The following SSH1 variants were observed in gnomAD, a reference collection of about 807,000 sequenced individuals.
The protein encoded by SSH1 is protein phosphatase Slingshot homolog 1.
SSH1 carries 43 observed loss-of-function variants against 79.7 expected under a neutral mutation model. That is an observed-to-expected ratio of 0.54 (90% CI 0.42 to 0.70). SSH1 has a LOEUF of 0.70. Ranked by LOEUF, SSH1 falls within the 30% of genes least tolerant of loss-of-function variation. The probability of loss-of-function intolerance (pLI) is 0.00; values close to 1 mark genes in which losing one functional copy is unlikely to be tolerated. For synonymous variants in SSH1, 599 were observed against 538.3 expected (o/e 1.11, Z -1.56); for missense variants, 1,206 against 1,358.8 (o/e 0.89, Z 1.77).
At position 108,780,125 on chromosome 12, in the gene SSH1, G is replaced by A. The variant is rs2036132750; in HGVS notation, c.*7863C>T. 1 of 152,256 alleles carries A rather than the reference G, an allele frequency of 6.6e-6. No individual in the cohort carries two copies. The highest frequency in any genetic ancestry group is 2.1e-4 in the South Asian group (1 of 4,828). 9.4% of individuals were successfully genotyped at this position (152,256 alleles called of 1,614,324 possible). A position where few individuals can be genotyped will look rare whatever the true frequency, so the allele number is the denominator to read the frequency against. ...TGCGTGGGTGGGTGGTGTTTCCTGG[G>A]TGGAGCTCTCCTTTAGAAAGGGCTT... is the stretch of plus-strand genomic sequence containing the variant. On this transcript the variant is annotated 3_prime_UTR_variant, in exon 15 of 15. Coordinates refer to ENST00000326495, the MANE Select transcript of SSH1 (RefSeq NM_018984.4).
At chr12:108,794,629 G>A (rs1290239931) in intron 13 of SSH1, among the ~76,000 whole-genome samples, 1 of 152,096 alleles carries the variant, frequency 6.6e-6, no homozygotes, top group East Asian at 1.9e-4. Flanking sequence ...CAAATCTTGG[G>A]ACCCCAAACT....
intron 1 of SSH1, among the ~76,000 whole-genome samples, chr12:108,854,648 C>CT (rs1400528446): frequency 6.6e-6 from 1 of 152,162 alleles, no homozygotes; most frequent in Admixed American, 6.5e-5. Context: ...GATGACGTGA[C>CT]TTGGGGGTAC....
At chr12:108,795,263 T>C (rs190930006) in intron 13 of SSH1, among the ~76,000 whole-genome samples, 1 of 145,358 alleles carries the variant, frequency 6.9e-6, no homozygotes, top group Non-Finnish European at 1.5e-5. Context: ...CTTTAAAAAC[T>C]TTTTTTTTTT....
chr12:108,802,457 G>C, intron 10 of SSH1, 89 bp from the exon 11 acceptor site: 1 of 1,226,090 alleles, frequency 8.2e-7, no homozygotes, highest in African/African-American at 1.5e-5. Context: ...TAGCTCTGGC[G>C]GTGAGGTCTT....
rs1363797011 is a variant in SSH1 at position 108,779,059 on chromosome 12, C to A, written c.*8929G>T. 2 of 151,978 alleles carry A rather than the reference C, an allele frequency of 1.3e-5. No homozygotes were observed. Among genetic ancestry groups the A allele is most frequent in the African/African-American group, 2.4e-5 (1 of 41,344 alleles). The allele number at this position is 151,978 out of a possible 1,614,324, so 9.4% of individuals were successfully genotyped here. On this transcript the variant is annotated 3_prime_UTR_variant, in exon 15 of 15. Transcript: ENST00000326495. ...GCTCAAGCAATCTGCCTGCCTCGGC[C>A]TCTCAAGGTGTTGGGATAACAGGCG...
intron 5 of SSH1, among the ~76,000 whole-genome samples, chr12:108,815,199 G>A (rs770982113): frequency 6.6e-6 from 1 of 152,202 alleles, no homozygotes; most frequent in East Asian, 1.9e-4. Context: ...GTCCCAGCCC[G>A]GCCACTAACC....
chr12:108,837,566 T>G (rs191826755), intron 2 of SSH1, among the ~76,000 whole-genome samples: 34 of 152,364 alleles, frequency 2.2e-4, no homozygotes, highest in Admixed American at 1.2e-3. Flanking sequence ...TTCTTTTCAC[T>G]GTACTTGCAA....
intron 13 of SSH1, among the ~76,000 whole-genome samples, chr12:108,797,411 C>T (rs900948182): frequency 2.6e-5 from 4 of 152,152 alleles, no homozygotes; most frequent in Non-Finnish European, 5.9e-5. Context: ...ACCTTCAAGC[C>T]GAAAAGCCTG....
At chr12:108,829,943 A>C (rs2038432766) in intron 2 of SSH1, among the ~76,000 whole-genome samples, 1 of 152,118 alleles carries the variant, frequency 6.6e-6, no homozygotes, top group South Asian at 2.1e-4. Context: ...CTCTACAAAA[A>C]AATAAAAATA....
chr12:108,851,612 G>T (rs773887468), intron 2 of SSH1, among the ~76,000 whole-genome samples: 2 of 152,054 alleles, frequency 1.3e-5, no homozygotes, highest in Admixed American at 6.6e-5. Context: ...CCAAACAAAG[G>T]CAGAACTTAA....
In SSH1 at chr12:108,792,717, G is replaced by C; in HGVS notation, c.1462C>G (p.Pro488Ala). Residue 488 changes from proline (P) to alanine (A), a missense_variant, in exon 14 of 15, where the codon CCG (proline) becomes GCG (alanine). Pro to Ala is a conservative substitution (Grantham distance 27, BLOSUM62 -1). Coordinates refer to ENST00000326495, the MANE Select transcript of SSH1 (RefSeq NM_018984.4). ...TCCAAGAAGGGCAGCTGGCTTTCCG[G>C]GGTGCCATCTGGGGTCTCTGGCAAG... ...DFLPETPDGT[P>A]ESQLPFLDDA... The C allele has an allele frequency of 1.2e-6, 2 of 1,613,668 alleles. No homozygotes were observed. The highest frequency in any genetic ancestry group is 1.7e-6 in the Non-Finnish European group (2 of 1,180,034).
intron 13 of SSH1, among the ~76,000 whole-genome samples, chr12:108,794,815 A>G (rs2036672020): frequency 6.6e-6 from 1 of 152,046 alleles, no homozygotes; most frequent in Non-Finnish European, 1.5e-5. Flanking sequence ...TTTCGGTTAA[A>G]ATTCACCATG....
chr12:108,828,384 C>G (rs1047326029), intron 2 of SSH1, among the ~76,000 whole-genome samples: 1 of 152,292 alleles, frequency 6.6e-6, no homozygotes, highest in East Asian at 1.9e-4. Flanking sequence ...ATCTGCCCCA[C>G]GCCCACCTGC....
chr12:108,821,238 C>A (rs1379850106), intron 3 of SSH1, among the ~76,000 whole-genome samples: 1 of 151,796 alleles, frequency 6.6e-6, no homozygotes, highest in Non-Finnish European at 1.5e-5. Context: ...CACACACACA[C>A]ACACAACTAG....
rs1433134415 is a variant in SSH1, at chr12:108,789,094, A to G, written c.2044T>C (p.Phe682Leu). 6.2e-7 allele frequency: 1 copy of G among 1,613,774 alleles called. No homozygotes were observed. Among genetic ancestry groups the G allele is most frequent in the Admixed American group, 1.7e-5 (1 of 60,010 alleles). ...NAPAICTQPAFLPHITSSPVA... is the reference protein window; with the variant it reads ...NAPAICTQPALLPHITSSPVA... ...GGGGAGGACGTGATGTGGGGTAGGAAGGCTGGCTGGGTGCAGATGGCGGGA... is the reference window on the plus strand; with the variant it reads ...GGGGAGGACGTGATGTGGGGTAGGAGGGCTGGCTGGGTGCAGATGGCGGGA... Residue 682 changes from phenylalanine to leucine, a missense_variant, in exon 15 of 15, where the codon TTC becomes CTC. Coordinates refer to ENST00000326495, the MANE Select transcript of SSH1 (RefSeq NM_018984.4).
At chr12:108,818,356 C>A (rs765690017) in intron 3 of SSH1, 43 bp from the exon 4 acceptor site, 7 of 1,579,848 alleles carry the variant, frequency 4.4e-6, no homozygotes, top group Non-Finnish European at 6.1e-6. Flanking sequence ...CTCTTACCTA[C>A]TCTCTAGGAA....
chr12:108,818,455 A>C (rs969981390), intron 3 of SSH1, 142 bp from the exon 4 acceptor site: 3 of 703,086 alleles, frequency 4.3e-6, no homozygotes, highest in Non-Finnish European at 7.4e-6. Flanking sequence ...GAATCACCAC[A>C]AAAACTTCAA....
chr12:108,828,681 A>G (rs891940580), intron 2 of SSH1, among the ~76,000 whole-genome samples: 9 of 152,196 alleles, frequency 5.9e-5, no homozygotes, highest in Non-Finnish European at 1.5e-5. Context: ...CAGGGGACCC[A>G]CAGCCTTATC....
At chr12:108,826,018 G>A in intron 2 of SSH1, 1 of 419,592 alleles carries the variant, frequency 2.4e-6, no homozygotes. Flanking sequence ...ACAACCATCA[G>A]TTCATCGAAG....
Sources: allele counts gnomAD v4.1 joint callset (sites outside exome capture counted in the v4.1 genomes callset), GRCh38; gene constraint gnomAD v4.1.1; transcripts MANE v1.5; gene names NCBI Gene and HGNC (gene_info 2026-07-23, HGNC 2026-07-21).